Variants in SHTN1 observed in about 807,000 individuals in gnomAD.
SHTN1 encodes the protein shootin 1.
In SHTN1, 42 loss-of-function variants were observed where a neutral mutation model predicts 83.1. The observed-to-expected ratio is 0.51, with a 90% CI of 0.39 to 0.65. The LOEUF is 0.65. SHTN1 is among the 30% of genes least tolerant of loss of function. The pLI, the probability that SHTN1 is intolerant of heterozygous loss-of-function variation, is 0.00. For synonymous variants in SHTN1, 224 were observed against 247.7 expected (o/e 0.90, Z 0.90); for missense variants, 622 against 737.8 (o/e 0.84, Z 1.82).
intron 4 of SHTN1, among the ~76,000 whole-genome samples, chr10:116,959,415 G>T (rs977980614): frequency 6.6e-6 from 1 of 152,112 alleles, no homozygotes; most frequent in Non-Finnish European, 1.5e-5. Context: ...CACATCCAAA[G>T]AAATTTTCGG....
At chr10:117,073,958 A>G (rs927296364) in intron 1 of SHTN1, among the ~76,000 whole-genome samples, 8 of 152,180 alleles carry the variant, frequency 5.3e-5, no homozygotes, top group African/African-American at 1.7e-4. Context: ...GAATGCCTGC[A>G]GTCATTGCAG....
At chr10:117,100,169 C>A (rs568180641) in intron 1 of SHTN1, among the ~76,000 whole-genome samples, 1 of 152,104 alleles carries the variant, frequency 6.6e-6, no homozygotes, top group Non-Finnish European at 1.5e-5. Context: ...AACAGCGAAA[C>A]TCCGTCTCAA....
rs1847073734 is a variant in SHTN1 at position 116,883,252 on chromosome 10, A to T, written c.*3092T>A. 1 of 152,092 alleles carries T rather than the reference A, an allele frequency of 6.6e-6. No individual in the cohort carries two copies. Among genetic ancestry groups the T allele is most frequent in the Non-Finnish European group, 1.5e-5 (1 of 68,010 alleles). 9.4% of individuals were successfully genotyped at this position (152,092 alleles called of 1,614,324 possible). A position where few individuals can be genotyped will look rare whatever the true frequency, so the allele number is the denominator to read the frequency against. Reference sequence around the variant, plus strand: ...GGTGCTAGGCACTCTTTCTACTTATACTTTCTCTCTCTTGTGTTATATAAC... The same window carrying T: ...GGTGCTAGGCACTCTTTCTACTTATTCTTTCTCTCTCTTGTGTTATATAAC... On this transcript the variant is annotated 3_prime_UTR_variant, in exon 17 of 17. Transcript: ENST00000355371.
chr10:117,030,562 A>G (rs1852400710), intron 2 of SHTN1, among the ~76,000 whole-genome samples: 2 of 152,166 alleles, frequency 1.3e-5, no homozygotes, highest in African/African-American at 4.8e-5. Flanking sequence ...TTTCAGACAC[A>G]GAATCCAAAA....
At position 117,029,509 on chromosome 10, in the gene SHTN1, A is replaced by C. The variant is rs553820311; in HGVS notation, c.-123+18936T>G. Among the ~76,000 whole-genome samples the C allele has an allele frequency of 7.2e-5, 11 of 152,204 alleles. No individual in the cohort carries two copies. In the East Asian group the frequency reaches 1.9e-3, roughly 27 times the overall value. On this transcript the variant is annotated intron_variant, in intron 2 of 17. Transcript: ENST00000392901. ...GGTTTGGATCCATGTCCTCACCCAAATCTCATGTTCAATTGGAATGCTGAA... is the reference window on the plus strand; with the variant it reads ...GGTTTGGATCCATGTCCTCACCCAACTCTCATGTTCAATTGGAATGCTGAA...
chr10:117,073,704 C>T (rs1032269838), intron 1 of SHTN1, among the ~76,000 whole-genome samples: 1 of 152,198 alleles, frequency 6.6e-6, no homozygotes, highest in Non-Finnish European at 1.5e-5. Flanking sequence ...GACATGAACC[C>T]TGAGGCTACT....
At chr10:117,024,387 T>C (rs1852302400) in intron 2 of SHTN1, among the ~76,000 whole-genome samples, 1 of 148,968 alleles carries the variant, frequency 6.7e-6, no homozygotes, top group South Asian at 2.2e-4. Flanking sequence ...CGGAGTCTTG[T>C]TCTGTCGCCC....
In SHTN1 at chr10:117,107,914, C is replaced by G. The variant is rs1853696451; in HGVS notation, c.-189+18393G>C. On this transcript the variant is annotated intron_variant, in intron 1 of 17. Coordinates refer to the SHTN1 transcript ENST00000392901. The stretch of plus-strand genomic sequence containing the variant: ...GATCACAGCTCATTGCAGCCTCAAA[C>G]TCCTGGACTCAAGCGATCCTCCCAC... 2.0e-5 allele frequency among the ~76,000 whole-genome samples: 3 copies of G among 152,294 alleles called. No homozygotes were observed. In the South Asian group the frequency reaches 6.2e-4, roughly 32 times the overall value.
intron 2 of SHTN1, among the ~76,000 whole-genome samples, chr10:117,029,892 T>C (rs1467108123): frequency 9.7e-5 from 5 of 51,400 alleles, no homozygotes; most frequent in East Asian, 1.6e-3. Flanking sequence ...CTCTCTCTCT[T>C]TCTTTTTTTT....
intron 2 of SHTN1, among the ~76,000 whole-genome samples, chr10:116,972,371 G>A (rs1050705974): frequency 1.3e-5 from 2 of 151,214 alleles, no homozygotes; most frequent in Non-Finnish European, 3.0e-5. Context: ...GGTGGGGAGA[G>A]TCTACACATG....
rs745798574 is a variant in SHTN1, at chr10:116,952,010, C to T, written c.437-4G>A. On this transcript the variant is annotated splice_polypyrimidine_tract_variant and splice_region_variant and intron_variant, in intron 5 of 16. Transcript: ENST00000355371. Reference sequence around the variant, plus strand: ...GATACAATTTGATCTCGAAGTTCTGCATTTTTAAAGAAAAAAAATATATAA... The same window carrying T: ...GATACAATTTGATCTCGAAGTTCTGTATTTTTAAAGAAAAAAAATATATAA... 1.3e-4 allele frequency: 188 copies of T among 1,450,502 alleles called. No homozygotes were observed. The highest frequency in any genetic ancestry group is 1.6e-4 in the Non-Finnish European group (175 of 1,084,080). The allele number at this position is 1,450,502 out of a possible 1,614,324, so 89.9% of individuals were successfully genotyped here.
chr10:116,944,784 G>T (rs10787731), intron 8 of SHTN1, 140 bp downstream of exon 8: 611,155 of 634,516 alleles, frequency 0.96, 297,205 homozygotes, highest in East Asian at 1. Flanking sequence ...CCAGCTACTC[G>T]GGGGGCTGAG....
At chr10:117,012,804 A>G (rs1033466306) in intron 2 of SHTN1, among the ~76,000 whole-genome samples, 7 of 152,234 alleles carry the variant, frequency 4.6e-5, no homozygotes, top group African/African-American at 1.7e-4. Flanking sequence ...GATGAGGGAA[A>G]ATATTTACAA....
At chr10:117,108,515 C>T (rs1034015196) in intron 1 of SHTN1, among the ~76,000 whole-genome samples, 1 of 138,184 alleles carries the variant, frequency 7.2e-6, no homozygotes, top group Non-Finnish European at 1.5e-5. Context: ...AATGAGAACA[C>T]CTGGACACAG....
intron 8 of SHTN1, among the ~76,000 whole-genome samples, chr10:116,944,156 G>T (rs1349430764): frequency 6.6e-6 from 1 of 152,186 alleles, no homozygotes; most frequent in African/African-American, 2.4e-5. Context: ...ACTGTTATCT[G>T]AGATGGTATA....
In SHTN1 at chr10:116,954,060, A is replaced by G. The variant is rs745627307; in HGVS notation, c.418T>C (p.Cys140Arg). ...GTTCTACCTTTAATTTGCTTCTGAC[A>G]CTGTACTGAGACACAAGTCTCGGCG... ...GAAETCVSVQ[C>R]QKQIKELRDQ... The change falls in exon 5 of 17, where the codon TGT becomes CGT. Residue 140 changes from cysteine (C) to arginine (R), a missense_variant. This residue lies in a region of SHTN1 where 383 missense variants were observed against 455.8 expected (regional missense o/e 0.84). Coordinates refer to ENST00000355371, the MANE Select transcript of SHTN1 (RefSeq NM_001127211.3). The G allele has an allele frequency of 1.2e-6, 2 of 1,608,472 alleles. No homozygotes were observed. Among genetic ancestry groups the G allele is most frequent in the Non-Finnish European group, 8.5e-7 (1 of 1,178,648 alleles).
At chr10:116,908,944 C>T (rs1024492901) in intron 14 of SHTN1, among the ~76,000 whole-genome samples, 5 of 152,080 alleles carry the variant, frequency 3.3e-5, no homozygotes, top group African/African-American at 1.2e-4. Context: ...AATACAAGGG[C>T]AATTGTGGAG....
At chr10:117,047,747 T>C (rs1852685560) in intron 2 of SHTN1, among the ~76,000 whole-genome samples, 2 of 125,280 alleles carry the variant, frequency 1.6e-5, no homozygotes, top group Non-Finnish European at 3.4e-5. Context: ...CATACACAAA[T>C]ACATAAAGAC....
chr10:117,104,386 T>G (rs1853644190), intron 1 of SHTN1, among the ~76,000 whole-genome samples: 1 of 152,218 alleles, frequency 6.6e-6, no homozygotes, highest in African/African-American at 2.4e-5. Flanking sequence ...TACAAGAGTG[T>G]CTTCCTCCAT....
Sources: gnomAD v4.1 joint callset for allele counts (sites outside exome capture counted in the v4.1 genomes callset) on GRCh38, gnomAD v4.1.1 for gene constraint, gnomAD v4.1.1 regional missense constraint, MANE v1.5 for transcripts, NCBI Gene and HGNC (gene_info 2026-07-23, HGNC 2026-07-21) for gene names.